NOTCH3: variants seen among roughly 807,000 people sequenced by gnomAD.
NOTCH3 encodes notch receptor 3, also known as neurogenic locus notch homolog protein 3.
A neutral mutation model predicts 213.3 loss-of-function variants in NOTCH3; 86 were observed. The ratio of observed to expected loss-of-function variants is 0.40; its 90% CI spans 0.34 to 0.48. The LOEUF (loss-of-function observed/expected upper bound fraction) is 0.48, where lower values mean the gene tolerates loss of function less well. Ranked by LOEUF, NOTCH3 falls within the 20% of genes least tolerant of loss-of-function variation. The probability of loss-of-function intolerance (pLI) is 0.57; values close to 1 mark genes in which losing one functional copy is unlikely to be tolerated. For missense variants in NOTCH3, 2,783 were observed against 3,272.6 expected, an observed-to-expected ratio of 0.85 and a Z score of 3.65; for synonymous variants, 1,354 against 1,355.9, an observed-to-expected ratio of 1.00 and a Z score of 0.03.
rs535739727 is a variant in NOTCH3, at chr19:15,174,470, T to G, written c.4404-70A>C. On this transcript the variant is annotated intron_variant, in intron 24 of 32. Coordinates refer to ENST00000263388, the MANE Select transcript of NOTCH3 (RefSeq NM_000435.3). Reference sequence around the variant, plus strand: ...GAGGAGACAATCCCCTTCCATGCATTCACACCGTAGAGTACAGAGACTCCA... The same window carrying G: ...GAGGAGACAATCCCCTTCCATGCATGCACACCGTAGAGTACAGAGACTCCA... 2,004 of 1,135,808 alleles carry G rather than the reference T, an allele frequency of 1.8e-3. 26 individuals carry two copies. The African/African-American group carries it at 0.027, about 15-fold the overall frequency. 70.4% of individuals were successfully genotyped at this position (1,135,808 alleles called of 1,614,324 possible). A position where few individuals can be genotyped will look rare whatever the true frequency, so the allele number is the denominator to read the frequency against.
chr19:15,187,264 C>T lies in NOTCH3; in HGVS notation c.1681G>A (p.Asp561Asn). 1 of 1,614,124 alleles carries T rather than the reference C, an allele frequency of 6.2e-7. No individual in the cohort carries two copies. The highest frequency in any genetic ancestry group is 8.5e-7 in the Non-Finnish European group (1 of 1,180,026). The change falls in exon 11 of 33, where the codon GAT (aspartate) becomes AAT (asparagine). Residue 561 changes from aspartate (D) to asparagine (N), a missense_variant. Transcript: ENST00000263388. The part of the protein sequence containing the change: ...PDPCHHGRCV[D>N]GIASFSCACA... ...GCACATGAGAAGCTGGCGATGCCAT[C>T]CACGCAGCGACCATGGTGGCATGGG... is the stretch of plus-strand genomic sequence containing the variant.
intron 6 of NOTCH3, among the ~76,000 whole-genome samples, chr19:15,191,148 C>T (rs1316429695): frequency 1.3e-5 from 2 of 152,064 alleles, no homozygotes; most frequent in South Asian, 2.1e-4. Flanking sequence ...ACTCTCGTGC[C>T]TTAGCCTCCT....
chr19:15,191,694 G>A (rs774983795), intron 5 of NOTCH3, 37 bp from the exon 6 acceptor site: 7 of 1,613,264 alleles, frequency 4.3e-6, no homozygotes, highest in East Asian at 2.2e-5. Flanking sequence ...GCCACCTGGC[G>A]CATGTCCACC....
Position 15,161,004 on chromosome 19 carries a change from G to A in NOTCH3, c.6624C>T (p.Pro2208=), listed in dbSNP as rs146679327. 3.2e-6 allele frequency: 5 copies of A among 1,547,788 alleles called. No homozygotes were observed. The highest frequency in any genetic ancestry group is 2.7e-5 in the African/African-American group (2 of 73,714). ...PGTPVSPQER[P]PPYLAVPGHG... The stretch of plus-strand genomic sequence containing the variant: ...GTCCTGGGACTGCCAGGTAAGGCGG[G>A]GGCCGCTCCTGCGGGGAGACGGGGG... Residue 2208 remains proline (P), a synonymous_variant, in exon 33 of 33, where the codon CCC becomes CCT. Transcript: ENST00000263388.
At chr19:15,179,838 G>A (rs1430425018) in intron 20 of NOTCH3, among the ~76,000 whole-genome samples, 6 of 151,906 alleles carry the variant, frequency 3.9e-5, no homozygotes, top group Non-Finnish European at 8.8e-5. Flanking sequence ...AGCTGAGATC[G>A]CGCCACTGCA....
intron 23 of NOTCH3, 84 bp downstream of exon 23, chr19:15,178,739 A>T: frequency 2.0e-6 from 2 of 987,508 alleles, no homozygotes; most frequent in Non-Finnish European, 1.6e-6. Context: ...CCCTAAAGCC[A>T]CATCCTCCTC....
chr19:15,165,646 T>C lies in NOTCH3; in HGVS notation c.5668-131A>G. Reference sequence around the variant, plus strand: ...AAATTGGTGAGGTTCAGGGAGCAGCTGCTTGACAGATACTGTATTCCCATA... The same window carrying C: ...AAATTGGTGAGGTTCAGGGAGCAGCCGCTTGACAGATACTGTATTCCCATA... On this transcript the variant is annotated intron_variant, in intron 30 of 32. Coordinates refer to ENST00000263388, the MANE Select transcript of NOTCH3 (RefSeq NM_000435.3). The surrounding 1 kb of genome is among the most constrained non-coding windows in gnomAD (Gnocchi z 4.7). 9.2e-7 allele frequency: 1 copy of C among 1,091,646 alleles called. No individual in the cohort carries two copies. The highest frequency in any genetic ancestry group is 1.3e-6 in the Non-Finnish European group (1 of 780,470). The allele number at this position is 1,091,646 out of a possible 1,614,324, so 67.6% of individuals were successfully genotyped here.
Position 15,177,516 on chromosome 19 carries a change from TG to T in NOTCH3, c.4403+8del. ...TAGACAGACGGATCGATCGGGTGGA[TG>T]GGCTCACTTGCAAGTGCGCTCGCGG... On this transcript the variant is annotated splice_region_variant and intron_variant, in intron 24 of 32. Coordinates refer to ENST00000263388, the MANE Select transcript of NOTCH3 (RefSeq NM_000435.3). 1 of 1,605,914 alleles carries T rather than the reference TG, an allele frequency of 6.2e-7. No homozygotes were observed. The highest frequency in any genetic ancestry group is 2.3e-5 in the East Asian group (1 of 44,404).
Position 15,183,407 on chromosome 19 carries a change from T to TGTTTGTTTGTTC in NOTCH3, c.2566+887_2566+888insGAACAAACAAAC, listed in dbSNP as rs1260834000. Among the ~76,000 whole-genome samples the TGTTTGTTTGTTC allele has an allele frequency of 2.6e-5, 4 of 151,954 alleles. No individual in the cohort carries two copies. The South Asian group carries it at 6.2e-4, about 24-fold the overall frequency. On this transcript the variant is annotated intron_variant, in intron 16 of 32. Transcript: ENST00000263388. ...CTTTTTGTTTGTTTGTTTGTTTGTT[T>TGTTTGTTTGTTC]GTTCGTTTTTGAGACGGAGTTATGC... is the stretch of plus-strand genomic sequence containing the variant.
At chr19:15,162,592 C>G (rs879294161) in intron 31 of NOTCH3, 30 bp from the exon 32 acceptor site, 13 of 1,585,138 alleles carry the variant, frequency 8.2e-6, no homozygotes, top group Non-Finnish European at 1.0e-5. Flanking sequence ...GAGGTCAGGA[C>G]CAGGCACCTG....
chr19:15,165,608 AC>A lies in NOTCH3; in HGVS notation c.5668-94del. The A allele has an allele frequency of 7.3e-7, 1 of 1,378,066 alleles. No individual in the cohort carries two copies. Among genetic ancestry groups the A allele is most frequent in the Non-Finnish European group, 9.9e-7 (1 of 1,009,116 alleles). 85.4% of individuals were successfully genotyped at this position (1,378,066 alleles called of 1,614,324 possible). A position where few individuals can be genotyped will look rare whatever the true frequency, so the allele number is the denominator to read the frequency against. ...GTCCCATGAAGTCCCCAACCCCCATACCCCAACCCCTGAAATTGGTGAGGTT... is the reference window on the plus strand; with the variant it reads ...GTCCCATGAAGTCCCCAACCCCCATACCCAACCCCTGAAATTGGTGAGGTT... On this transcript the variant is annotated intron_variant, in intron 30 of 32. Coordinates refer to ENST00000263388, the MANE Select transcript of NOTCH3 (RefSeq NM_000435.3). This position sits in a 1 kb window ranked among gnomAD's most constrained non-coding sequence, Gnocchi z 4.7.
At chr19:15,173,072 T>C (rs865946902) in intron 25 of NOTCH3, among the ~76,000 whole-genome samples, 2,230 of 11,478 alleles carry the variant, frequency 0.19, 697 homozygotes, top group Non-Finnish European at 0.29. Context: ...CTTCTTCTTC[T>C]TCTTCTTCTT....
Position 15,161,407 on chromosome 19 carries a change from G to T in NOTCH3, c.6221C>A (p.Pro2074Gln), listed in dbSNP as rs114447350. 1 of 1,525,312 alleles carries T rather than the reference G, an allele frequency of 6.6e-7. No homozygotes were observed. Among genetic ancestry groups the T allele is most frequent in the East Asian group, 2.5e-5 (1 of 40,668 alleles). The allele number at this position is 1,525,312 out of a possible 1,614,324, so 94.5% of individuals were successfully genotyped here. A position where few individuals can be genotyped will look rare whatever the true frequency, so the allele number is the denominator to read the frequency against. Residue 2074 changes from proline (P) to glutamine (Q), a missense_variant, in exon 33 of 33, where the codon CCG (proline) becomes CAG (glutamine). Physicochemically the swap from Pro to Gln is moderately conservative, Grantham distance 76. Around this residue, in one of 6 missense-constraint regions of NOTCH3, gnomAD observed 441 missense variants for 432.1 expected, o/e 1.02. Coordinates refer to ENST00000263388, the MANE Select transcript of NOTCH3 (RefSeq NM_000435.3). ...CTTGCCCCGCCCCCGGGGCCCCTGC[G>T]GCCCCAGCCCCGCCTTCCCGGGGGG... The part of the protein sequence containing the change: ...RRPPGKAGLG[P>Q]QGPRGRGKKL...
intron 25 of NOTCH3, among the ~76,000 whole-genome samples, chr19:15,171,466 C>T (rs2046733603): frequency 6.6e-6 from 1 of 152,206 alleles, no homozygotes; most frequent in Admixed American, 6.5e-5. Flanking sequence ...CTTTCCACCT[C>T]ATTCTCCCAA....
At chr19:15,197,445 C>CCCCCCCCCCCCCCCCCCCA in intron 2 of NOTCH3, 55 bp downstream of exon 2, 1 of 771,208 alleles carries the variant, frequency 1.3e-6, no homozygotes, top group Non-Finnish European at 2.3e-6. Context: ...CAAATCGCCC[C>CCCCCCCCCCCCCCCCCCCA]TCCCCCCCGC....
chr19:15,162,004 C>CA (rs1405865262), intron 32 of NOTCH3, among the ~76,000 whole-genome samples: 2 of 44,860 alleles, frequency 4.5e-5, no homozygotes, highest in African/African-American at 7.2e-5. Flanking sequence ...TTTTTTTTGA[C>CA]AGAGTCTCAC....
At chr19:15,177,498 A>C in intron 24 of NOTCH3, 27 bp downstream of exon 24, 1 of 1,594,436 alleles carries the variant, frequency 6.3e-7, no homozygotes, top group Non-Finnish European at 8.5e-7. Flanking sequence ...GCATAGACAG[A>C]CGGATCGATC....
intron 23 of NOTCH3, 133 bp from the exon 24 acceptor site, chr19:15,178,223 G>T (rs1416045991): frequency 1.7e-6 from 1 of 599,930 alleles, no homozygotes; most frequent in African/African-American, 1.9e-5. Context: ...CAAGACTAAG[G>T]AAGGTTGAGA....
intron 17 of NOTCH3, among the ~76,000 whole-genome samples, 177 bp downstream of exon 17, chr19:15,181,399 G>A (rs1247683713): frequency 6.6e-6 from 1 of 152,180 alleles, no homozygotes; most frequent in Non-Finnish European, 1.5e-5. Context: ...GAGACTCCAA[G>A]GTGAGCTCCA....
Sources: gnomAD v4.1 joint callset for allele counts (sites outside exome capture counted in the v4.1 genomes callset) on GRCh38, gnomAD v4.1.1 for gene constraint, gnomAD v4.1.1 regional missense constraint, Gnocchi (gnomAD v3.1) non-coding constraint, MANE v1.5 for transcripts, NCBI Gene and HGNC (gene_info 2026-07-23, HGNC 2026-07-21) for gene names.